FLRT2: variants seen among roughly 807,000 people sequenced by gnomAD.
FLRT2 encodes leucine-rich repeat transmembrane protein FLRT2.
FLRT2 carries 15 observed loss-of-function variants against 40.0 expected under a neutral mutation model. That is an observed-to-expected ratio of 0.38 (90% CI 0.25 to 0.58). The LOEUF (loss-of-function observed/expected upper bound fraction) is 0.58, where lower values mean the gene tolerates loss of function less well. Ranked by LOEUF, FLRT2 falls within the 20% of genes least tolerant of loss-of-function variation. The probability of loss-of-function intolerance (pLI) is 0.71; values close to 1 mark genes in which losing one functional copy is unlikely to be tolerated. For synonymous variants in FLRT2, 380 were observed against 336.8 expected, an observed-to-expected ratio of 1.13 and a Z score of -1.41; for missense variants, 726 against 840.0, an observed-to-expected ratio of 0.86 and a Z score of 1.68.
rs148027575 is a variant in FLRT2 at position 85,608,619 on chromosome 14, ACT to A, written c.-376-12517_-376-12516del. On this transcript the variant is annotated intron_variant, in intron 1 of 1. Transcript: ENST00000330753. ...TTGTGGTAAATCTGTTGAATTAGTA[ACT>A]CTAGCAATATTCGTGAGTTAAGTCA... Among the ~76,000 whole-genome samples the A allele has an allele frequency of 9.7e-3, 1,483 of 152,158 alleles. 17 individuals carry two copies. Among genetic ancestry groups the A allele is most frequent in the African/African-American group, 0.034 (1,418 of 41,506 alleles).
At chr14:85,587,602 T>G (rs1891681627) in intron 1 of FLRT2, among the ~76,000 whole-genome samples, 1 of 151,896 alleles carries the variant, frequency 6.6e-6, no homozygotes, top group Non-Finnish European at 1.5e-5. Flanking sequence ...AAGTGAACAC[T>G]TTGCCATTCC....
rs1400802403 is a variant in FLRT2, at chr14:85,630,066, C to T, written c.*6569C>T. 5 of 152,026 alleles carry T rather than the reference C, an allele frequency of 3.3e-5. No individual in the cohort carries two copies. The highest frequency in any genetic ancestry group is 6.5e-5 in the Admixed American group (1 of 15,274). 9.4% of individuals were successfully genotyped at this position (152,026 alleles called of 1,614,324 possible). ...TTTTGTAGATTCCGCTGAAAAAGCA[C>T]GTATGTCACAATCTATTAGGGCATT... is the stretch of plus-strand genomic sequence containing the variant. On this transcript the variant is annotated 3_prime_UTR_variant, in exon 2 of 2. Transcript: ENST00000330753.
rs574296825 is a variant in FLRT2 at position 85,641,468 on chromosome 14, G to A, written c.*17971G>A. 1 of 152,228 alleles carries A rather than the reference G, an allele frequency of 6.6e-6. No individual in the cohort carries two copies. Among genetic ancestry groups the A allele is most frequent in the South Asian group, 2.1e-4 (1 of 4,832 alleles). The allele number at this position is 152,228 out of a possible 1,614,324, so 9.4% of individuals were successfully genotyped here. ...CACGGTGCCCATAATCAGTGTTTTA[G>A]TGTCTGGTCACTATCTTCAGTGGAG... On this transcript the variant is annotated 3_prime_UTR_variant, in exon 2 of 2. Transcript: ENST00000330753.
At chr14:85,596,551 G>A (rs1892147922) in intron 1 of FLRT2, among the ~76,000 whole-genome samples, 1 of 152,024 alleles carries the variant, frequency 6.6e-6, no homozygotes, top group African/African-American at 2.4e-5. Context: ...TTTAATGTGG[G>A]AATTTATTTT....
chr14:85,570,423 A>T (rs1890834077), intron 1 of FLRT2, among the ~76,000 whole-genome samples: 1 of 152,158 alleles, frequency 6.6e-6, no homozygotes, highest in Admixed American at 6.6e-5. Context: ...ACATTTAGCT[A>T]TCAATTATTA....
At chr14:85,569,759 AC>A (rs760516748) in intron 1 of FLRT2, among the ~76,000 whole-genome samples, 18 of 152,202 alleles carry the variant, frequency 1.2e-4, no homozygotes, top group Non-Finnish European at 2.1e-4. Context: ...CAGAATACCA[AC>A]CCTGAAATCA....
At position 85,623,927 on chromosome 14, in the gene FLRT2, A is replaced by G. The variant is rs1260349435; in HGVS notation, c.*430A>G. The G allele has an allele frequency of 5.9e-6, 1 of 170,128 alleles. No homozygotes were observed. The highest frequency in any genetic ancestry group is 1.9e-4 in the East Asian group (1 of 5,272). The allele number at this position is 170,128 out of a possible 1,614,324, so 10.5% of individuals were successfully genotyped here. ...CAGGGTAAGAGGAATAATATGGGTA[A>G]AACAAGAAATGGCCCGATAGTTTCA... On this transcript the variant is annotated 3_prime_UTR_variant, in exon 2 of 2. Coordinates refer to ENST00000330753, the MANE Select transcript of FLRT2 (RefSeq NM_013231.6).
chr14:85,542,060 T>C (rs578115480), intron 1 of FLRT2, among the ~76,000 whole-genome samples: 178 of 152,356 alleles, frequency 1.2e-3, no homozygotes, highest in Non-Finnish European at 2.1e-3. Flanking sequence ...ATTATCGTTA[T>C]GCTTGCTTAA....
chr14:85,577,307 A>G (rs1891161150), intron 1 of FLRT2, among the ~76,000 whole-genome samples: 1 of 152,172 alleles, frequency 6.6e-6, no homozygotes, highest in Non-Finnish European at 1.5e-5. Flanking sequence ...GGAGGAGAGG[A>G]AGTGAAATGA....
intron 1 of FLRT2, among the ~76,000 whole-genome samples, chr14:85,610,906 T>A (rs931802961): frequency 4.6e-5 from 7 of 151,004 alleles, no homozygotes; most frequent in African/African-American, 1.7e-4. Context: ...AATTAATGAA[T>A]TTTTTTTGAG....
At chr14:85,581,019 C>T (rs541594920) in intron 1 of FLRT2, among the ~76,000 whole-genome samples, 1 of 152,184 alleles carries the variant, frequency 6.6e-6, no homozygotes, top group African/African-American at 2.4e-5. Flanking sequence ...TATTAGCTGG[C>T]CTTTTTGTTT....
Position 85,647,384 on chromosome 14 carries a change from T to C in FLRT2, c.*23887T>C, listed in dbSNP as rs976395168. 1 of 152,186 alleles carries C rather than the reference T, an allele frequency of 6.6e-6. No homozygotes were observed. Among genetic ancestry groups the C allele is most frequent in the African/African-American group, 2.4e-5 (1 of 41,440 alleles). 9.4% of individuals were successfully genotyped at this position (152,186 alleles called of 1,614,324 possible). A position where few individuals can be genotyped will look rare whatever the true frequency, so the allele number is the denominator to read the frequency against. ...TGTAAATCATACCAAATTATATGTGTTTAAAACTCAAGGGATGGAACTGGG... is the reference window on the plus strand; with the variant it reads ...TGTAAATCATACCAAATTATATGTGCTTAAAACTCAAGGGATGGAACTGGG... On this transcript the variant is annotated 3_prime_UTR_variant, in exon 2 of 2. Transcript: ENST00000330753.
chr14:85,619,419 G>A (rs530548802), intron 1 of FLRT2, among the ~76,000 whole-genome samples: 11 of 151,950 alleles, frequency 7.2e-5, no homozygotes, highest in Admixed American at 2.6e-4. Flanking sequence ...ATAAAGCATC[G>A]TATCTCTCTA....
chr14:85,555,275 A>G (rs1889878464), intron 1 of FLRT2, among the ~76,000 whole-genome samples: 1 of 152,208 alleles, frequency 6.6e-6, no homozygotes, highest in Non-Finnish European at 1.5e-5. Context: ...AAGATGTTAC[A>G]CATCAGCAGA....
rs1454400139 is a variant in FLRT2 at position 85,632,819 on chromosome 14, T to G, written c.*9322T>G. 6.6e-6 allele frequency: 1 copy of G among 152,236 alleles called. No homozygotes were observed. The highest frequency in any genetic ancestry group is 1.5e-5 in the Non-Finnish European group (1 of 68,044). 9.4% of individuals were successfully genotyped at this position (152,236 alleles called of 1,614,324 possible). A position where few individuals can be genotyped will look rare whatever the true frequency, so the allele number is the denominator to read the frequency against. ...AAATCAGTTTGAAATCAAGCTGACTTACTTTGGAATCCTGCTTCAACCACT... is the reference window on the plus strand; with the variant it reads ...AAATCAGTTTGAAATCAAGCTGACTGACTTTGGAATCCTGCTTCAACCACT... On this transcript the variant is annotated 3_prime_UTR_variant, in exon 2 of 2. Coordinates refer to ENST00000330753, the MANE Select transcript of FLRT2 (RefSeq NM_013231.6).
chr14:85,563,153 T>C lies in FLRT2; in HGVS notation c.-377+32619T>C, dbSNP rs551490947. 2.6e-5 allele frequency: 4 copies of C among 152,306 alleles called. No homozygotes were observed. The South Asian group carries it at 6.2e-4, about 24-fold the overall frequency. 9.4% of individuals were successfully genotyped at this position (152,306 alleles called of 1,614,324 possible). ...ATACTAAGTTTGAGAATTATGGTTC[T>C]CTGGGCATTGCTGCCTGGCAATTAC... On this transcript the variant is annotated intron_variant, in intron 1 of 1. Transcript: ENST00000330753.
chr14:85,620,046 G>A lies in FLRT2; in HGVS notation c.-376-1093G>A, dbSNP rs114333674. ...TATCTCATCTGGACCTAGAGGTCTC[G>A]AAGGAGGAGATAAGTGGAAATGTTT... On this transcript the variant is annotated intron_variant, in intron 1 of 1. Coordinates refer to ENST00000330753, the MANE Select transcript of FLRT2 (RefSeq NM_013231.6). Among the ~76,000 whole-genome samples, 843 of 152,278 alleles carry A rather than the reference G, an allele frequency of 5.5e-3. 14 individuals carry two copies. Among genetic ancestry groups the A allele is most frequent in the African/African-American group, 0.019 (798 of 41,536 alleles).
rs1226472361 is a variant in FLRT2, at chr14:85,634,656, A to T, written c.*11159A>T. 1.3e-5 allele frequency: 2 copies of T among 152,222 alleles called. No homozygotes were observed. Among genetic ancestry groups the T allele is most frequent in the African/African-American group, 4.8e-5 (2 of 41,464 alleles). The allele number at this position is 152,222 out of a possible 1,614,324, so 9.4% of individuals were successfully genotyped here. ...CTCATACTAACCTTGGTCCTTGGGC[A>T]TGTATATGCTTCAATTTTCTCATCT... On this transcript the variant is annotated 3_prime_UTR_variant, in exon 2 of 2. Coordinates refer to ENST00000330753, the MANE Select transcript of FLRT2 (RefSeq NM_013231.6).
At chr14:85,542,333 C>G (rs1478926913) in intron 1 of FLRT2, among the ~76,000 whole-genome samples, 2 of 151,920 alleles carry the variant, frequency 1.3e-5, no homozygotes, top group African/African-American at 4.8e-5. Context: ...TTTCTGTGTT[C>G]CATTCAACAT....
Sources: gnomAD v4.1 joint callset for allele counts (sites outside exome capture counted in the v4.1 genomes callset) on GRCh38, gnomAD v4.1.1 for gene constraint, MANE v1.5 for transcripts, NCBI Gene and HGNC (gene_info 2026-07-23, HGNC 2026-07-21) for gene names.